The following TIAM1 variants were observed in gnomAD, a reference collection of about 807,000 sequenced individuals.
The protein encoded by TIAM1 is rho guanine nucleotide exchange factor TIAM1.
A neutral mutation model predicts 163.5 loss-of-function variants in TIAM1; 65 were observed. The observed-to-expected ratio is 0.40, with a 90% CI of 0.33 to 0.49. TIAM1 has a LOEUF of 0.49. Ranked by LOEUF, TIAM1 falls within the 20% of genes least tolerant of loss-of-function variation. TIAM1 has a pLI of 0.77. For missense variants in TIAM1, 1,789 were observed against 2,044.7 expected (o/e 0.87, Z 2.41); for synonymous variants, 833 against 810.1 (o/e 1.03, Z -0.48).
intron 1 of TIAM1, among the ~76,000 whole-genome samples, chr21:31,511,804 T>C (rs1209369800): frequency 6.6e-6 from 1 of 152,196 alleles, no homozygotes; most frequent in Non-Finnish European, 1.5e-5. Flanking sequence ...TCCTAAATGA[T>C]TAAAATGTCC....
intron 2 of TIAM1, among the ~76,000 whole-genome samples, chr21:31,456,237 G>C (rs1428015262): frequency 6.6e-6 from 1 of 152,186 alleles, no homozygotes; most frequent in Non-Finnish European, 1.5e-5. Flanking sequence ...AGGTAGGCTG[G>C]TCCACAGATC....
intron 2 of TIAM1, among the ~76,000 whole-genome samples, chr21:31,362,476 ATT>A (rs1235947103): frequency 3.4e-5 from 5 of 148,726 alleles, no homozygotes; most frequent in South Asian, 2.1e-4. Context: ...TATTATTATT[ATT>A]ATATTTGAGA....
intron 2 of TIAM1, among the ~76,000 whole-genome samples, chr21:31,300,843 G>C (rs892421546): frequency 6.6e-6 from 1 of 152,196 alleles, no homozygotes; most frequent in Non-Finnish European, 1.5e-5. Context: ...ACCAAATAGA[G>C]ATACGGTAAA....
upstream of TIAM1, among the ~76,000 whole-genome samples, chr21:31,347,782 C>T (rs1185001449): frequency 7.1e-6 from 1 of 140,794 alleles, no homozygotes; most frequent in Non-Finnish European, 1.5e-5. Context: ...TATGCACGAA[C>T]GTTCAGAGAA....
At chr21:31,212,606 CTTTTTTTTTTT>C (rs35838120) in intron 10 of TIAM1, 2 of 93,742 alleles carry the variant, frequency 2.1e-5, no homozygotes, top group Non-Finnish European at 4.2e-5. Flanking sequence ...GCCTGTGAAT[CTTTTTTTTTTT>C]TTTTTTTTTT....
At position 31,171,035 on chromosome 21, in the gene TIAM1, C is replaced by CAAAAAAAAAAAA. The variant is rs34291568; in HGVS notation, c.2888-5982_2888-5971dup. ...TGGGTGACAGAGTGAGACTCCATCT[C>CAAAAAAAAAAAA]AAAAAAAAAAAAAAAAAAAAAAAAA... On this transcript the variant is annotated intron_variant, in intron 15 of 27. Coordinates refer to ENST00000541036, the MANE Select transcript of TIAM1 (RefSeq NM_001353694.2). 4.4e-3 allele frequency among the ~76,000 whole-genome samples: 86 copies of CAAAAAAAAAAAA among 19,566 alleles called. 2 individuals are homozygous for CAAAAAAAAAAAA. The highest frequency in any genetic ancestry group is 8.3e-3 in the African/African-American group (83 of 10,034). The allele number at this position is 19,566 out of a possible 152,430, so 12.8% of individuals were successfully genotyped here.
At chr21:31,346,725 A>G (rs2076154872), upstream of TIAM1, among the ~76,000 whole-genome samples, 2 of 152,184 alleles carry the variant, frequency 1.3e-5, no homozygotes, top group Admixed American at 1.3e-4. Flanking sequence ...TCATTACAGC[A>G]TATAGAAAAG....
chr21:31,406,460 T>A (rs1337182900), intron 2 of TIAM1, among the ~76,000 whole-genome samples: 56 of 152,194 alleles, frequency 3.7e-4, no homozygotes, highest in Admixed American at 3.6e-3. Context: ...TGCTTCATTA[T>A]AATTCTCGGG....
At chr21:31,427,310 C>A (rs569938684) in intron 2 of TIAM1, among the ~76,000 whole-genome samples, 2 of 152,164 alleles carry the variant, frequency 1.3e-5, no homozygotes, top group Admixed American at 1.3e-4. Context: ...TATGGTGAAA[C>A]CCTGTCTCTA....
chr21:31,387,321 C>T (rs1202383305), intron 2 of TIAM1, among the ~76,000 whole-genome samples: 1 of 147,168 alleles, frequency 6.8e-6, no homozygotes, highest in Non-Finnish European at 1.5e-5. Flanking sequence ...CTCCCAGGTT[C>T]AACCAATTCT....
At chr21:31,401,887 G>A (rs1047958609) in intron 2 of TIAM1, among the ~76,000 whole-genome samples, 1 of 150,930 alleles carries the variant, frequency 6.6e-6, no homozygotes, top group Non-Finnish European at 1.5e-5. Flanking sequence ...CTCCAGCCTG[G>A]GAAACAAGGC....
chr21:31,226,416 G>T (rs1332866384), intron 6 of TIAM1, among the ~76,000 whole-genome samples: 2 of 152,140 alleles, frequency 1.3e-5, no homozygotes, highest in Non-Finnish European at 2.9e-5. Flanking sequence ...TCCTATTCCT[G>T]GTGCTAAGCA....
At chr21:31,123,345 G>A (rs932634035) in intron 27 of TIAM1, among the ~76,000 whole-genome samples, 8 of 152,174 alleles carry the variant, frequency 5.3e-5, no homozygotes, top group African/African-American at 1.7e-4. Context: ...TCTAAAGTGA[G>A]TTATAAAGGA....
At chr21:31,199,491 C>A (rs1306628970) in intron 12 of TIAM1, among the ~76,000 whole-genome samples, 4 of 152,038 alleles carry the variant, frequency 2.6e-5, no homozygotes, top group African/African-American at 9.7e-5. Context: ...CACCCTCCCC[C>A]TGCCCAGGCC....
chr21:31,258,397 T>A (rs1450018777), intron 4 of TIAM1, among the ~76,000 whole-genome samples: 1 of 152,202 alleles, frequency 6.6e-6, no homozygotes. Context: ...CAACTAAAGT[T>A]GAGGTGACAA....
At chr21:31,420,104 TC>T (rs1241049849) in intron 2 of TIAM1, among the ~76,000 whole-genome samples, 1 of 152,176 alleles carries the variant, frequency 6.6e-6, no homozygotes, top group African/African-American at 2.4e-5. Context: ...AAGAAACTTC[TC>T]TGCAATTTTT....
intron 2 of TIAM1, among the ~76,000 whole-genome samples, chr21:31,365,267 T>C (rs2076480038): frequency 6.6e-6 from 1 of 152,166 alleles, no homozygotes; most frequent in Non-Finnish European, 1.5e-5. Context: ...CTGTGCTCTG[T>C]ATATACTTCT....
chr21:31,223,831 C>T (rs1022428012), intron 7 of TIAM1, among the ~76,000 whole-genome samples: 7 of 152,140 alleles, frequency 4.6e-5, no homozygotes, highest in South Asian at 4.1e-4. Flanking sequence ...GGAGTTCGTA[C>T]TGGGGGCATG....
At chr21:31,325,821 G>A (rs192108225) in intron 2 of TIAM1, among the ~76,000 whole-genome samples, 157 of 152,278 alleles carry the variant, frequency 1.0e-3, no homozygotes, top group African/African-American at 3.7e-3. Context: ...GTGTCACACG[G>A]AGGGGGCATT....
Sources: gnomAD v4.1 joint callset for allele counts (sites outside exome capture counted in the v4.1 genomes callset) on GRCh38, gnomAD v4.1.1 for gene constraint, MANE v1.5 for transcripts, NCBI Gene and HGNC (gene_info 2026-07-23, HGNC 2026-07-21) for gene names.